Variants in LTBP1 observed in about 807,000 individuals in gnomAD.
LTBP1 encodes latent-transforming growth factor beta-binding protein 1.
Under a neutral mutation model 207.6 loss-of-function variants are expected in LTBP1, and 129 were observed. That is an observed-to-expected ratio of 0.62 (90% CI 0.54 to 0.72). The LOEUF (loss-of-function observed/expected upper bound fraction) is 0.72. LTBP1 is among the 30% of genes least tolerant of loss of function. LTBP1 has a pLI of 0.00. For synonymous variants in LTBP1, 963 were observed against 833.7 expected, an observed-to-expected ratio of 1.16 and a Z score of -2.67; for missense variants, 2,281 against 2,217.2, an observed-to-expected ratio of 1.03 and a Z score of -0.58.
intron 13 of LTBP1, among the ~76,000 whole-genome samples, chr2:33,261,073 C>A (rs2092996595): frequency 6.6e-6 from 1 of 152,096 alleles, no homozygotes; most frequent in Non-Finnish European, 1.5e-5. Context: ...GAGGGGACAG[C>A]AAGGGTCATG....
At chr2:33,100,148 C>T (rs528641255) in intron 3 of LTBP1, among the ~76,000 whole-genome samples, 3 of 152,242 alleles carry the variant, frequency 2.0e-5, no homozygotes, top group East Asian at 1.9e-4. Flanking sequence ...CCTCACAATG[C>T]GATAAGAGGA....
At chr2:33,130,780 T>C (rs998161160) in intron 4 of LTBP1, among the ~76,000 whole-genome samples, 4 of 152,100 alleles carry the variant, frequency 2.6e-5, no homozygotes, top group African/African-American at 9.7e-5. Flanking sequence ...CCAATGGCGG[T>C]GCTGCATGGC....
intron 18 of LTBP1, among the ~76,000 whole-genome samples, chr2:33,278,265 G>A (rs975821588): frequency 2.0e-5 from 3 of 152,088 alleles, no homozygotes; most frequent in Admixed American, 1.3e-4. Flanking sequence ...GAGAATATTC[G>A]GTGATATTCA....
chr2:33,004,774 C>CA lies in LTBP1; in HGVS notation c.566-16126dup, dbSNP rs34109778. 4.9e-3 allele frequency among the ~76,000 whole-genome samples: 415 copies of CA among 85,486 alleles called. 8 individuals are homozygous for CA. Among genetic ancestry groups the CA allele is most frequent in the Non-Finnish European group, 7.0e-3 (308 of 43,962 alleles). The allele number at this position is 85,486 out of a possible 152,430, so 56.1% of individuals were successfully genotyped here. ...TGGGTGACAGAGTGAGCCTCAGTCTCAAAAAAAAAGGAATATATATATATA... is the reference window on the plus strand; with the variant it reads ...TGGGTGACAGAGTGAGCCTCAGTCTCAAAAAAAAAAGGAATATATATATATA... On this transcript the variant is annotated intron_variant, in intron 2 of 33. Coordinates refer to ENST00000404816, the MANE Select transcript of LTBP1 (RefSeq NM_206943.4).
intron 30 of LTBP1, 82 bp from the exon 31 acceptor site, chr2:33,365,251 T>C (rs2094971062): frequency 8.0e-7 from 1 of 1,250,022 alleles, no homozygotes; most frequent in East Asian, 2.3e-5. Context: ...GATGGAAACT[T>C]TGAGACTTGC....
intron 2 of LTBP1, among the ~76,000 whole-genome samples, chr2:32,991,235 G>C (rs1372949509): frequency 6.6e-6 from 1 of 152,176 alleles, no homozygotes. Flanking sequence ...CAACTACAGA[G>C]GATTCAAGCC....
chr2:33,101,353 T>C (rs1334352559), intron 3 of LTBP1, among the ~76,000 whole-genome samples: 1 of 152,224 alleles, frequency 6.6e-6, no homozygotes, highest in Non-Finnish European at 1.5e-5. Context: ...AATCTAATAT[T>C]ATCAGAGGGA....
chr2:32,978,262 A>T (rs554268408), intron 2 of LTBP1, among the ~76,000 whole-genome samples: 1 of 152,318 alleles, frequency 6.6e-6, no homozygotes, highest in African/African-American at 2.4e-5. Context: ...GTTAAATAAC[A>T]GTATAAAAGT....
chr2:33,240,221 A>G (rs2092259751), intron 9 of LTBP1, among the ~76,000 whole-genome samples: 6 of 152,312 alleles, frequency 3.9e-5, no homozygotes, highest in Admixed American at 3.9e-4. Context: ...ATCACGTTCC[A>G]TACAGTTTTT....
At chr2:33,231,175 G>A (rs561960497) in intron 9 of LTBP1, among the ~76,000 whole-genome samples, 77 of 152,222 alleles carry the variant, frequency 5.1e-4, no homozygotes, top group African/African-American at 1.7e-3. Flanking sequence ...TTTACTCTTC[G>A]AACTAGCTGA....
chr2:33,078,784 C>T lies in LTBP1; in HGVS notation c.864-31798C>T, dbSNP rs566943277. 9.2e-5 allele frequency among the ~76,000 whole-genome samples: 14 copies of T among 152,018 alleles called. No individual in the cohort carries two copies. The South Asian group carries it at 2.9e-3, about 32-fold the overall frequency. ...CATAGTCAGCTCAATAAGGTGATTACCTTTGCCCTCCTGTGTTATTGGGAT... is the reference window on the plus strand; with the variant it reads ...CATAGTCAGCTCAATAAGGTGATTATCTTTGCCCTCCTGTGTTATTGGGAT... On this transcript the variant is annotated intron_variant, in intron 3 of 33. Transcript: ENST00000404816.
chr2:33,160,763 A>G (rs552372731), intron 5 of LTBP1, among the ~76,000 whole-genome samples: 1 of 152,302 alleles, frequency 6.6e-6, no homozygotes, highest in East Asian at 1.9e-4. Flanking sequence ...GATAGAAGGT[A>G]GATTTTATTT....
chr2:33,112,905 T>C (rs900326506), intron 4 of LTBP1, among the ~76,000 whole-genome samples: 3 of 152,222 alleles, frequency 2.0e-5, no homozygotes, highest in African/African-American at 7.2e-5. Context: ...TTTTATAGCA[T>C]CTTCATTTTT....
chr2:32,968,174 G>T (rs72789887), intron 2 of LTBP1, among the ~76,000 whole-genome samples: 17,221 of 152,102 alleles, frequency 0.11, 1,133 homozygotes, highest in Middle Eastern at 0.16. Flanking sequence ...CACCATGTTG[G>T]CCATACTGGT....
At chr2:32,994,983 A>C (rs939617083) in intron 2 of LTBP1, among the ~76,000 whole-genome samples, 4 of 152,168 alleles carry the variant, frequency 2.6e-5, no homozygotes, top group Non-Finnish European at 4.4e-5. Context: ...TGAGGTCAGA[A>C]GTTCAAGACC....
rs146293298 is a variant in LTBP1, at chr2:33,320,209, A to G, written c.3730+4940A>G. On this transcript the variant is annotated intron_variant, in intron 24 of 33. Coordinates refer to ENST00000404816, the MANE Select transcript of LTBP1 (RefSeq NM_206943.4). ...CATGGTGAAACCCTGTCTCTACTAAAAATACAAAAATTAGCTGGTTGTGGC... is the reference window on the plus strand; with the variant it reads ...CATGGTGAAACCCTGTCTCTACTAAGAATACAAAAATTAGCTGGTTGTGGC... Among the ~76,000 whole-genome samples, 909 of 152,156 alleles carry G rather than the reference A, an allele frequency of 6.0e-3. 7 individuals are homozygous for G. The highest frequency in any genetic ancestry group is 0.021 in the African/African-American group (878 of 41,528).
intron 11 of LTBP1, 131 bp from the exon 12 acceptor site, chr2:33,257,153 C>T (rs1037355644): frequency 1.8e-5 from 12 of 660,780 alleles, no homozygotes; most frequent in East Asian, 1.2e-4. Flanking sequence ...CATTTTGCAC[C>T]TGTTTTTGAA....
intron 3 of LTBP1, among the ~76,000 whole-genome samples, chr2:33,084,257 T>G (rs994255556): frequency 6.6e-6 from 1 of 152,104 alleles, no homozygotes; most frequent in East Asian, 1.9e-4. Context: ...AGATAGGCAT[T>G]TTTGCTTTTA....
chr2:33,178,943 G>A (rs2086344473), intron 5 of LTBP1, among the ~76,000 whole-genome samples: 1 of 152,022 alleles, frequency 6.6e-6, no homozygotes, highest in Admixed American at 6.6e-5. Context: ...GTCTCACTGT[G>A]TTGCCAAAGC....
Sources: gnomAD v4.1 joint callset for allele counts (sites outside exome capture counted in the v4.1 genomes callset) on GRCh38, gnomAD v4.1.1 for gene constraint, MANE v1.5 for transcripts, NCBI Gene and HGNC (gene_info 2026-07-23, HGNC 2026-07-21) for gene names.